The following MBD5 variants were observed in gnomAD, a reference collection of about 807,000 sequenced individuals.
MBD5 encodes methyl-CpG binding domain protein 5, also known as methyl-CpG-binding domain protein 5.
In MBD5, 13 loss-of-function variants were observed where a neutral mutation model predicts 117.3. The ratio of observed to expected loss-of-function variants is 0.11; its 90% CI spans 0.07 to 0.18. MBD5 has a LOEUF of 0.18. Ranked by LOEUF, MBD5 falls within the 10% of genes least tolerant of loss-of-function variation. The pLI, the probability that MBD5 is intolerant of heterozygous loss-of-function variation, is 1.00. For missense variants in MBD5, 1,879 were observed against 2,093.8 expected, an observed-to-expected ratio of 0.90 and a Z score of 2.00; for synonymous variants, 727 against 766.4, an observed-to-expected ratio of 0.95 and a Z score of 0.85.
At position 148,470,339 on chromosome 2, in the gene MBD5, C is replaced by T. The variant is rs759990854; in HGVS notation, c.2396C>T (p.Ser799Leu). Residue 799 changes from serine (S) to leucine (L), a missense_variant, in exon 8 of 14, where the codon TCG becomes TTG. By Grantham distance (145) the Ser-to-Leu change is moderately radical. Coordinates refer to ENST00000642680, the MANE Select transcript of MBD5 (RefSeq NM_001378120.1). Reference protein sequence around the residue: ...ASGNCGMLSQSGMALGNSLHP... With the variant: ...ASGNCGMLSQLGMALGNSLHP... Reference sequence around the variant, plus strand: ...GGGAACTGTGGGATGCTCAGTCAGTCGGGCATGGCTTTAGGAAATTCCTTA... The same window carrying T: ...GGGAACTGTGGGATGCTCAGTCAGTTGGGCATGGCTTTAGGAAATTCCTTA... 1.2e-5 allele frequency: 19 copies of T among 1,613,864 alleles called. No homozygotes were observed. In the East Asian group the frequency reaches 1.8e-4, roughly 15 times the overall value.
intron 1 of MBD5, among the ~76,000 whole-genome samples, chr2:148,092,538 C>T (rs1351909355): frequency 1.3e-5 from 2 of 152,028 alleles, no homozygotes; most frequent in Admixed American, 6.6e-5. Flanking sequence ...GAGTGGGGAC[C>T]GTTATTCTAA....
chr2:148,064,187 G>A (rs1695120340), intron 1 of MBD5, among the ~76,000 whole-genome samples: 1 of 144,382 alleles, frequency 6.9e-6, no homozygotes, highest in African/African-American at 2.6e-5. Context: ...GTGCAGTGGC[G>A]CGATCTCAGC....
At chr2:148,262,915 GGATGTTAGTCT>G (rs1700766396) in intron 3 of MBD5, among the ~76,000 whole-genome samples, 1 of 149,042 alleles carries the variant, frequency 6.7e-6, no homozygotes, top group Non-Finnish European at 1.5e-5. Context: ...AGGAAAGCAT[GGATGTTAGTCT>G]GATCTAGGCT....
At chr2:148,431,660 T>C (rs1305586157) in intron 4 of MBD5, among the ~76,000 whole-genome samples, 1 of 152,152 alleles carries the variant, frequency 6.6e-6, no homozygotes, top group Non-Finnish European at 1.5e-5. Flanking sequence ...CTTTCTGTAT[T>C]TGTTTAGGAT....
At chr2:148,064,543 G>A (rs1051399102) in intron 1 of MBD5, among the ~76,000 whole-genome samples, 1 of 151,980 alleles carries the variant, frequency 6.6e-6, no homozygotes, top group African/African-American at 2.4e-5. Flanking sequence ...ATAACCCCTT[G>A]AATACTCTAA....
chr2:148,123,435 T>G (rs752359883), intron 1 of MBD5, among the ~76,000 whole-genome samples: 1 of 152,206 alleles, frequency 6.6e-6, no homozygotes, highest in Non-Finnish European at 1.5e-5. Context: ...TTTTGGTGAC[T>G]GTTGACTGAC....
intron 1 of MBD5, among the ~76,000 whole-genome samples, chr2:148,123,264 C>T (rs1399552680): frequency 6.6e-6 from 1 of 152,186 alleles, no homozygotes; most frequent in Non-Finnish European, 1.5e-5. Context: ...AGAAATGTCA[C>T]ATGAACAGAT....
At chr2:148,092,737 C>G (rs1037140536) in intron 1 of MBD5, among the ~76,000 whole-genome samples, 3 of 151,454 alleles carry the variant, frequency 2.0e-5, no homozygotes, top group Non-Finnish European at 4.4e-5. Context: ...ATAGGTTCAC[C>G]AAAATCTCAG....
At chr2:148,201,768 T>G (rs1176639888) in intron 2 of MBD5, among the ~76,000 whole-genome samples, 1 of 152,094 alleles carries the variant, frequency 6.6e-6, no homozygotes, top group Non-Finnish European at 1.5e-5. Flanking sequence ...TTGGGTGGTT[T>G]CTCTCTCAGT....
rs534413662 is a variant in MBD5 at position 148,489,821 on chromosome 2, G to A, written c.4189G>A (p.Ala1397Thr). ...HDGRLRNSRG[A>T]RLPKNLDHGK... is the part of the protein sequence containing the mutation. The stretch of plus-strand genomic sequence containing the variant: ...TGGTAGGCTGAGGAATTCAAGAGGG[G>A]CTCGGCTGCCCAAGAATCTAGACCA... Residue 1397 changes from alanine (A) to threonine (T), a missense_variant, in exon 11 of 14, where the codon GCT (alanine) becomes ACT (threonine). Transcript: ENST00000642680. The A allele has an allele frequency of 3.3e-5, 54 of 1,614,122 alleles. No homozygotes were observed. In the South Asian group the frequency reaches 4.7e-4, roughly 14 times the overall value.
intron 1 of MBD5, among the ~76,000 whole-genome samples, chr2:148,097,053 A>T (rs1014753304): frequency 4.6e-5 from 7 of 152,292 alleles, no homozygotes; most frequent in Admixed American, 4.6e-4. Flanking sequence ...ATTTGGGTAC[A>T]TGACAGTATT....
chr2:148,187,489 A>G (rs1698693609), intron 2 of MBD5, among the ~76,000 whole-genome samples: 1 of 152,196 alleles, frequency 6.6e-6, no homozygotes, highest in Non-Finnish European at 1.5e-5. Flanking sequence ...CTTCAAATAG[A>G]AAAGAAAACC....
rs545214655 is a variant in MBD5, at chr2:148,040,527, T to C, written c.-925+18843T>C. Reference sequence around the variant, plus strand: ...TAAGTTACTTTGATGTATATATGGGTATTTATATCATTAATTCATAATAAG... The same window carrying C: ...TAAGTTACTTTGATGTATATATGGGCATTTATATCATTAATTCATAATAAG... On this transcript the variant is annotated intron_variant, in intron 1 of 13. Coordinates refer to ENST00000642680, the MANE Select transcript of MBD5 (RefSeq NM_001378120.1). 8.5e-5 allele frequency among the ~76,000 whole-genome samples: 13 copies of C among 152,346 alleles called. 2 individuals are homozygous for C. The South Asian group carries it at 2.7e-3, about 32-fold the overall frequency.
At chr2:148,234,727 C>G (rs1700056835) in intron 3 of MBD5, among the ~76,000 whole-genome samples, 2 of 152,122 alleles carry the variant, frequency 1.3e-5, no homozygotes, top group Non-Finnish European at 2.9e-5. Flanking sequence ...CCACTGCTTC[C>G]TTCAGCAAGC....
chr2:148,425,058 G>T (rs1166717256), intron 4 of MBD5, among the ~76,000 whole-genome samples: 1 of 152,086 alleles, frequency 6.6e-6, no homozygotes, highest in Non-Finnish European at 1.5e-5. Context: ...AAGACATAGA[G>T]ACGCGAAAAA....
At chr2:148,431,706 A>G (rs1165400291) in intron 4 of MBD5, among the ~76,000 whole-genome samples, 3 of 152,186 alleles carry the variant, frequency 2.0e-5, no homozygotes. Flanking sequence ...TCTTCAAAGG[A>G]CATGATCTTA....
intron 3 of MBD5, among the ~76,000 whole-genome samples, chr2:148,279,186 A>T (rs1291175283): frequency 1.3e-5 from 2 of 152,102 alleles, no homozygotes; most frequent in African/African-American, 4.8e-5. Flanking sequence ...TAATCCCAAC[A>T]CTGGGAGGCA....
chr2:148,446,768 G>GGAT, intron 4 of MBD5, among the ~76,000 whole-genome samples: 1 of 152,068 alleles, frequency 6.6e-6, no homozygotes, highest in Admixed American at 6.6e-5. Flanking sequence ...AGTGTTTCAA[G>GGAT]GATTATTTTA....
intron 1 of MBD5, among the ~76,000 whole-genome samples, chr2:148,037,115 T>G (rs1694217298): frequency 6.6e-6 from 1 of 152,014 alleles, no homozygotes; most frequent in Non-Finnish European, 1.5e-5. Flanking sequence ...ATAACCAAAC[T>G]TAACATTTAG....
Sources: allele counts gnomAD v4.1 joint callset (sites outside exome capture counted in the v4.1 genomes callset), GRCh38; gene constraint gnomAD v4.1.1; transcripts MANE v1.5; gene names NCBI Gene and HGNC (gene_info 2026-07-23, HGNC 2026-07-21).